EMCN: variants seen among roughly 807,000 people sequenced by gnomAD.
EMCN encodes the protein MUC-14.
A neutral mutation model predicts 38.4 loss-of-function variants in EMCN; 37 were observed. The ratio of observed to expected loss-of-function variants is 0.96; its 90% CI spans 0.74 to 1.27. EMCN has a LOEUF of 1.27. Among genes scored for constraint, EMCN ranks in the 50% most tolerant of loss-of-function variants. The pLI is 0.00. For synonymous variants in EMCN, 95 were observed against 100.8 expected, an observed-to-expected ratio of 0.94 and a Z score of 0.35; for missense variants, 318 against 302.8, an observed-to-expected ratio of 1.05 and a Z score of -0.37.
At chr4:100,466,700 C>T (rs1728326111) in intron 3 of EMCN, among the ~76,000 whole-genome samples, 1 of 152,128 alleles carries the variant, frequency 6.6e-6, no homozygotes, top group Non-Finnish European at 1.5e-5. Context: ...TGCCTTATTA[C>T]AGCAAGAAAG....
intron 1 of EMCN, among the ~76,000 whole-genome samples, chr4:100,500,209 T>C (rs1729313428): frequency 6.6e-6 from 1 of 152,208 alleles, no homozygotes; most frequent in Admixed American, 6.5e-5. Context: ...ACATTCAGTC[T>C]CTTTTAAGTA....
intron 8 of EMCN, among the ~76,000 whole-genome samples, chr4:100,420,302 G>A (rs1219839502): frequency 6.6e-6 from 1 of 151,784 alleles, no homozygotes; most frequent in African/African-American, 2.4e-5. Context: ...ATTAAAGGTA[G>A]AATTCATTCT....
intron 8 of EMCN, among the ~76,000 whole-genome samples, chr4:100,420,369 C>T (rs139596202): frequency 1.3e-5 from 2 of 151,936 alleles, no homozygotes; most frequent in African/African-American, 2.4e-5. Flanking sequence ...TGAGTTGAGT[C>T]CTAATGGGTA....
chr4:100,434,187 A>T (rs938607203), intron 5 of EMCN, among the ~76,000 whole-genome samples: 8 of 152,100 alleles, frequency 5.3e-5, no homozygotes, highest in Non-Finnish European at 8.8e-5. Flanking sequence ...GATAAGGGGG[A>T]TATCACCACT....
intron 1 of EMCN, among the ~76,000 whole-genome samples, chr4:100,491,293 A>G (rs1489303029): frequency 6.6e-6 from 1 of 152,156 alleles, no homozygotes; most frequent in Non-Finnish European, 1.5e-5. Flanking sequence ...GCACTATACT[A>G]TTTTAATTAC....
Position 100,410,337 on chromosome 4 carries a change from C to T in EMCN, c.770G>A (p.Gly257Glu). Residue 257 changes from glycine (G) to glutamate (E), a missense_variant, in exon 11 of 12, where the codon GGA becomes GAA. Physicochemically the swap from Gly to Glu is moderately conservative, Grantham distance 98. Coordinates refer to ENST00000296420, the MANE Select transcript of EMCN (RefSeq NM_016242.4). ...CTCAAGCTGTCAGTTCTTGGTTTTT[C>T]CTTGTGCAGAGTGCTCACCTGAGAA... ...SHESGEHSAQ[G>E]KTKN is the part of the protein sequence containing the mutation. 1 of 1,613,782 alleles carries T rather than the reference C, an allele frequency of 6.2e-7. No homozygotes were observed. The highest frequency in any genetic ancestry group is 8.5e-7 in the Non-Finnish European group (1 of 1,179,762).
At chr4:100,465,788 C>T (rs41389844) in intron 3 of EMCN, among the ~76,000 whole-genome samples, 2,450 of 152,128 alleles carry the variant, frequency 0.016, 66 homozygotes, top group African/African-American at 0.055. Context: ...GGTAATCTTA[C>T]GAATTAAGTA....
Position 100,447,536 on chromosome 4 carries a change from G to T in EMCN, c.412C>A (p.Pro138Thr). The change falls in exon 5 of 12, where the codon CCA becomes ACA. Residue 138 changes from proline (P) to threonine (T), a missense_variant. Coordinates refer to ENST00000296420, the MANE Select transcript of EMCN (RefSeq NM_016242.4). ...AGACAGAGAAAAAAGAGCTTACCTGGTATTTCTGTTGTTTTAATTGAACTC... is the reference window on the plus strand; with the variant it reads ...AGACAGAGAAAAAAGAGCTTACCTGTTATTTCTGTTGTTTTAATTGAACTC... ...TQSSIKTTEI[P>T]GSVLQPDASP... 2 of 1,601,976 alleles carry T rather than the reference G, an allele frequency of 1.2e-6. No homozygotes were observed. Among genetic ancestry groups the T allele is most frequent in the Non-Finnish European group, 1.7e-6 (2 of 1,170,446 alleles).
chr4:100,434,515 A>C (rs543251114), intron 5 of EMCN, among the ~76,000 whole-genome samples: 1 of 152,258 alleles, frequency 6.6e-6, no homozygotes, highest in East Asian at 1.9e-4. Flanking sequence ...CTCCTCCCTA[A>C]CTCATTTTAT....
rs555956452 is a variant in EMCN at position 100,417,161 on chromosome 4, T to C, written c.665-20A>G. 6.8e-6 allele frequency: 11 copies of C among 1,613,500 alleles called. No individual in the cohort carries two copies. The African/African-American group carries it at 1.1e-4, about 16-fold the overall frequency. ...GTGTGCCTAGGAGAAGAGGGAGTTG[T>C]TATTAGAGTTGCAAAGAAGTTGGCT... On this transcript the variant is annotated intron_variant, in intron 8 of 11. Coordinates refer to ENST00000296420, the MANE Select transcript of EMCN (RefSeq NM_016242.4).
At chr4:100,434,057 A>C (rs1486737651) in intron 5 of EMCN, among the ~76,000 whole-genome samples, 1 of 152,164 alleles carries the variant, frequency 6.6e-6, no homozygotes, top group Non-Finnish European at 1.5e-5. Flanking sequence ...CAGAACGAAA[A>C]AACCTTCAAT....
chr4:100,497,480 C>T (rs1729239283), intron 1 of EMCN, among the ~76,000 whole-genome samples: 1 of 152,034 alleles, frequency 6.6e-6, no homozygotes, highest in South Asian at 2.1e-4. Flanking sequence ...AGGTTCATGC[C>T]ATTCTCCTGC....
At chr4:100,460,457 A>G (rs1397142533) in intron 4 of EMCN, among the ~76,000 whole-genome samples, 2 of 152,274 alleles carry the variant, frequency 1.3e-5, no homozygotes, top group African/African-American at 4.8e-5. Context: ...CTTGAATCAC[A>G]ATTCCACATG....
At chr4:100,422,822 C>CTTTTTTTT (rs71878999) in intron 7 of EMCN, among the ~76,000 whole-genome samples, 199 bp downstream of exon 7, 1 of 122,652 alleles carries the variant, frequency 8.2e-6, no homozygotes, top group Non-Finnish European at 1.9e-5. Context: ...TCTTTCTTTT[C>CTTTTTTTT]TTTTTTTTTT....
chr4:100,467,585 G>C (rs1728354691), intron 3 of EMCN, among the ~76,000 whole-genome samples: 1 of 151,478 alleles, frequency 6.6e-6, no homozygotes, highest in African/African-American at 2.4e-5. Context: ...GGGAGGCTGA[G>C]GCAGGAGAAT....
At chr4:100,443,253 C>T (rs1016521546) in intron 5 of EMCN, among the ~76,000 whole-genome samples, 15 of 152,324 alleles carry the variant, frequency 9.8e-5, no homozygotes, top group African/African-American at 3.4e-4. Context: ...TGCTTCCTTG[C>T]TTTCATGTTC....
At chr4:100,499,304 A>G (rs901407348) in intron 1 of EMCN, among the ~76,000 whole-genome samples, 4 of 152,228 alleles carry the variant, frequency 2.6e-5, no homozygotes, top group African/African-American at 7.2e-5. Flanking sequence ...TGTAGAACTA[A>G]CGTATGTAAA....
At chr4:100,484,641 G>A (rs1578225170) in intron 1 of EMCN, among the ~76,000 whole-genome samples, 1 of 152,068 alleles carries the variant, frequency 6.6e-6, no homozygotes, top group East Asian at 1.9e-4. Flanking sequence ...CCTTTACTAA[G>A]TCTACACCTA....
In EMCN at chr4:100,434,044, A is replaced by T. The variant is rs181957407; in HGVS notation, c.416-10640T>A. Among the ~76,000 whole-genome samples the T allele has an allele frequency of 4.6e-3, 705 of 152,250 alleles. 9 individuals carry two copies. The highest frequency in any genetic ancestry group is 0.024 in the South Asian group (114 of 4,816). On this transcript the variant is annotated intron_variant, in intron 5 of 11. Coordinates refer to ENST00000296420, the MANE Select transcript of EMCN (RefSeq NM_016242.4). ...CAAGATCAGAGTGGAACTGAAGGAGATACAGAACGAAAAAACCTTCAATAA... is the reference window on the plus strand; with the variant it reads ...CAAGATCAGAGTGGAACTGAAGGAGTTACAGAACGAAAAAACCTTCAATAA...
Sources: allele counts gnomAD v4.1 joint callset (sites outside exome capture counted in the v4.1 genomes callset), GRCh38; gene constraint gnomAD v4.1.1; transcripts MANE v1.5; gene names NCBI Gene and HGNC (gene_info 2026-07-23, HGNC 2026-07-21).